The following WWOX variants were observed in gnomAD, a reference collection of about 807,000 sequenced individuals.
WWOX encodes the protein WW domain containing oxidoreductase.
Under a neutral mutation model 46.2 loss-of-function variants are expected in WWOX, and 69 were observed. The observed-to-expected ratio is 1.49, with a 90% CI of 1.23 to 1.82. WWOX has a LOEUF of 1.82. Ranked by LOEUF, WWOX falls within the 40% of genes most tolerant of loss-of-function variation. The probability of loss-of-function intolerance (pLI) is 0.00; values close to 1 mark genes in which losing one functional copy is unlikely to be tolerated. For synonymous variants in WWOX, 359 were observed against 202.6 expected (o/e 1.77, Z -6.56); for missense variants, 919 against 542.6 (o/e 1.69, Z -6.89).
At chr16:78,163,348 C>G (rs1378360676) in intron 4 of WWOX, among the ~76,000 whole-genome samples, 1 of 152,200 alleles carries the variant, frequency 6.6e-6, no homozygotes, top group Non-Finnish European at 1.5e-5. Context: ...TGGACTGTCT[C>G]TTGTTATTAC....
chr16:79,047,755 T>C (rs1365101959), intron 8 of WWOX, among the ~76,000 whole-genome samples: 2 of 145,232 alleles, frequency 1.4e-5, no homozygotes, highest in Non-Finnish European at 3.0e-5. Flanking sequence ...ACAGGGCAGC[T>C]GTATTCCAGG....
At chr16:78,437,221 C>T (rs963827578) in intron 8 of WWOX, among the ~76,000 whole-genome samples, 2 of 152,176 alleles carry the variant, frequency 1.3e-5, no homozygotes, top group African/African-American at 4.8e-5. Flanking sequence ...ATATCAACGT[C>T]CCTTTTTTAT....
chr16:79,157,667 C>T (rs985367681), intron 8 of WWOX, among the ~76,000 whole-genome samples: 2 of 152,120 alleles, frequency 1.3e-5, no homozygotes, highest in African/African-American at 2.4e-5. Flanking sequence ...GAGACAATGA[C>T]CACTGAAAAG....
At chr16:78,183,167 C>G (rs991341082) in intron 5 of WWOX, among the ~76,000 whole-genome samples, 1 of 151,938 alleles carries the variant, frequency 6.6e-6, no homozygotes, top group Non-Finnish European at 1.5e-5. Context: ...TATAGGTATG[C>G]GAGACGTTGT....
At position 78,689,680 on chromosome 16, in the gene WWOX, A is replaced by T. The variant is rs191711642; in HGVS notation, c.1056+256928A>T. Among the ~76,000 whole-genome samples, 543 of 151,524 alleles carry T rather than the reference A, an allele frequency of 3.6e-3. 1 individual carries two copies. Among genetic ancestry groups the T allele is most frequent in the Non-Finnish European group, 6.1e-3 (413 of 67,882 alleles). ...TCCTTGTAGTAATTTGCATCCACTG[A>T]CCCTCCCACTCCCCTGCTACTCTGT... On this transcript the variant is annotated intron_variant, in intron 8 of 8. Transcript: ENST00000566780.
intron 8 of WWOX, among the ~76,000 whole-genome samples, chr16:78,714,654 G>C (rs756226724): frequency 6.6e-6 from 1 of 152,128 alleles, no homozygotes; most frequent in Non-Finnish European, 1.5e-5. Context: ...CGGAGGAAAC[G>C]GTAAATGAGA....
chr16:78,454,109 C>G (rs906853230), intron 8 of WWOX, among the ~76,000 whole-genome samples: 1 of 152,148 alleles, frequency 6.6e-6, no homozygotes, highest in Non-Finnish European at 1.5e-5. Context: ...AAGCCTCTTC[C>G]AGTATTCTAG....
chr16:78,728,048 C>T (rs7499295), intron 8 of WWOX, among the ~76,000 whole-genome samples: 2,663 of 89,464 alleles, frequency 0.03, 130 homozygotes, highest in African/African-American at 0.12. Context: ...TCCTCTCTCC[C>T]TCCTTCCTTT....
At chr16:78,665,805 C>T (rs898866930) in intron 8 of WWOX, among the ~76,000 whole-genome samples, 2 of 152,154 alleles carry the variant, frequency 1.3e-5, no homozygotes, top group Non-Finnish European at 2.9e-5. Context: ...CTACCTCAGA[C>T]TCTCAAGTAG....
intron 3 of WWOX, among the ~76,000 whole-genome samples, 198 bp from the exon 4 acceptor site, chr16:78,114,778 G>A (rs190670584): frequency 1.8e-4 from 28 of 152,088 alleles, no homozygotes; most frequent in Non-Finnish European, 3.2e-4. Flanking sequence ...GAAAGGATTC[G>A]ATGACTATCT....
chr16:78,218,550 A>G (rs2036794368), intron 5 of WWOX, among the ~76,000 whole-genome samples: 1 of 152,182 alleles, frequency 6.6e-6, no homozygotes, highest in African/African-American at 2.4e-5. Context: ...TTTACCGCCA[A>G]CCCACAGGAA....
At chr16:79,097,411 A>G (rs1339443617) in intron 8 of WWOX, among the ~76,000 whole-genome samples, 4 of 150,940 alleles carry the variant, frequency 2.7e-5, no homozygotes, top group Non-Finnish European at 4.4e-5. Flanking sequence ...AGCAATTAGC[A>G]GGAACTGAAA....
intron 8 of WWOX, among the ~76,000 whole-genome samples, chr16:78,623,987 T>G (rs12596233): frequency 0.15 from 22,121 of 152,016 alleles, 1,881 homozygotes; most frequent in African/African-American, 0.22. Flanking sequence ...TGAGGGGACT[T>G]CAAAGTCCAG....
At chr16:78,606,852 C>T (rs2045772523) in intron 8 of WWOX, among the ~76,000 whole-genome samples, 1 of 150,780 alleles carries the variant, frequency 6.6e-6, no homozygotes, top group African/African-American at 2.4e-5. Context: ...TTGAATGTAA[C>T]TGAGTACCTG....
intron 8 of WWOX, among the ~76,000 whole-genome samples, chr16:79,200,511 T>G (rs1271759165): frequency 2.6e-5 from 4 of 152,060 alleles, no homozygotes; most frequent in African/African-American, 9.7e-5. Context: ...AGCCTCTGTC[T>G]CCCCTCCACT....
chr16:78,560,183 A>C (rs144016078), intron 8 of WWOX, among the ~76,000 whole-genome samples: 7 of 152,336 alleles, frequency 4.6e-5, no homozygotes, highest in Non-Finnish European at 8.8e-5. Context: ...AGCTCAGAAT[A>C]AGTCAGTACT....
intron 5 of WWOX, among the ~76,000 whole-genome samples, chr16:78,277,660 G>A (rs1465948205): frequency 1.3e-5 from 2 of 152,146 alleles, no homozygotes; most frequent in Non-Finnish European, 2.9e-5. Context: ...CTGCTCTCTG[G>A]CAGGGACAGC....
chr16:79,187,873 G>T (rs1324451228), intron 8 of WWOX, among the ~76,000 whole-genome samples: 2 of 152,176 alleles, frequency 1.3e-5, no homozygotes, highest in African/African-American at 4.8e-5. Context: ...AGAAGAGAAA[G>T]AAAGAATTAT....
intron 5 of WWOX, among the ~76,000 whole-genome samples, chr16:78,305,150 A>C (rs1263442209): frequency 1.3e-5 from 2 of 152,128 alleles, no homozygotes; most frequent in Non-Finnish European, 2.9e-5. Flanking sequence ...TTCTCCTGCC[A>C]CACTAGTGTG....
Sources: allele counts gnomAD v4.1 joint callset (sites outside exome capture counted in the v4.1 genomes callset), GRCh38; gene constraint gnomAD v4.1.1; transcripts MANE v1.5; gene names NCBI Gene and HGNC (gene_info 2026-07-23, HGNC 2026-07-21).